Variants in PARD3B observed in about 807,000 individuals in gnomAD.
PARD3B encodes partitioning defective 3 homolog B.
In PARD3B, 103 loss-of-function variants were observed where a neutral mutation model predicts 130.2. That is an observed-to-expected ratio of 0.79 (90% CI 0.67 to 0.93). The LOEUF (loss-of-function observed/expected upper bound fraction) is 0.93. Ranked by LOEUF, PARD3B falls within the 40% of genes least tolerant of loss-of-function variation. The pLI, the probability that PARD3B is intolerant of heterozygous loss-of-function variation, is 0.00. For synonymous variants in PARD3B, 583 were observed against 553.2 expected, an observed-to-expected ratio of 1.05 and a Z score of -0.76; for missense variants, 1,609 against 1,499.2, an observed-to-expected ratio of 1.07 and a Z score of -1.21.
intron 2 of PARD3B, among the ~76,000 whole-genome samples, chr2:204,716,453 A>AT (rs1359843954): frequency 6.6e-6 from 1 of 151,966 alleles, no homozygotes; most frequent in Non-Finnish European, 1.5e-5. Context: ...AGTGAGGGAG[A>AT]TTTTAATCCG....
intron 2 of PARD3B, among the ~76,000 whole-genome samples, chr2:204,832,484 AACTTGAC>A (rs1184542154): frequency 6.6e-6 from 1 of 152,198 alleles, no homozygotes; most frequent in African/African-American, 2.4e-5. Flanking sequence ...TAAGCCACTG[AACTTGAC>A]ACTGTGAGAC....
intron 21 of PARD3B, among the ~76,000 whole-genome samples, chr2:205,532,156 G>GA (rs1239702972): frequency 6.6e-6 from 1 of 152,162 alleles, no homozygotes; most frequent in African/African-American, 2.4e-5. Flanking sequence ...AATTAATGTT[G>GA]ACACCTTCTG....
intron 2 of PARD3B, among the ~76,000 whole-genome samples, chr2:204,835,706 A>G (rs1347333158): frequency 6.6e-6 from 1 of 152,246 alleles, no homozygotes; most frequent in African/African-American, 2.4e-5. Context: ...GTACCTATTC[A>G]GTAGAAACCA....
chr2:205,506,119 G>C (rs1386612473), intron 21 of PARD3B, among the ~76,000 whole-genome samples: 2 of 152,140 alleles, frequency 1.3e-5, no homozygotes, highest in Non-Finnish European at 2.9e-5. Context: ...TGGATCATGA[G>C]GTCAAGAGAT....
At chr2:204,652,679 C>G (rs561318777) in intron 1 of PARD3B, among the ~76,000 whole-genome samples, 1 of 152,262 alleles carries the variant, frequency 6.6e-6, no homozygotes, top group South Asian at 2.1e-4. Context: ...TACCAATTTT[C>G]TATATTAGTC....
At chr2:204,827,486 T>C (rs2043629375) in intron 2 of PARD3B, among the ~76,000 whole-genome samples, 2 of 152,348 alleles carry the variant, frequency 1.3e-5, no homozygotes, top group Admixed American at 6.5e-5. Flanking sequence ...TCTGGCCTTC[T>C]CTTTTGTTAA....
At chr2:204,870,727 T>A (rs1225923236) in intron 2 of PARD3B, among the ~76,000 whole-genome samples, 1 of 152,144 alleles carries the variant, frequency 6.6e-6, no homozygotes, top group Non-Finnish European at 1.5e-5. Flanking sequence ...ATAAAAATAA[T>A]ACACAAAAAT....
intron 16 of PARD3B, among the ~76,000 whole-genome samples, chr2:205,249,939 G>GA (rs72169792): frequency 0.013 from 1,650 of 124,906 alleles, 15 homozygotes; most frequent in South Asian, 0.019. Flanking sequence ...AATGCCTGGA[G>GA]AAAAAAAAAA....
At chr2:205,340,986 A>G (rs1348065648) in intron 18 of PARD3B, among the ~76,000 whole-genome samples, 1 of 152,162 alleles carries the variant, frequency 6.6e-6, no homozygotes, top group Non-Finnish European at 1.5e-5. Flanking sequence ...CAACAATTAC[A>G]TTAAAAAATG....
chr2:205,007,300 G>T (rs1236127063), intron 3 of PARD3B, among the ~76,000 whole-genome samples: 4 of 152,120 alleles, frequency 2.6e-5, no homozygotes, highest in Non-Finnish European at 5.9e-5. Context: ...GTATTACCCA[G>T]TCTCAAGCAG....
intron 3 of PARD3B, among the ~76,000 whole-genome samples, chr2:205,025,759 G>A (rs1314128951): frequency 2.0e-5 from 3 of 152,034 alleles, no homozygotes; most frequent in Non-Finnish European, 4.4e-5. Flanking sequence ...TGACATCCAA[G>A]GCTGACTCCT....
Position 205,253,508 on chromosome 2 carries a change from A to T in PARD3B, c.2185+7686A>T. The T allele has an allele frequency of 1.8e-6, 1 of 552,574 alleles. No homozygotes were observed. 34.2% of individuals were successfully genotyped at this position (552,574 alleles called of 1,614,324 possible). On this transcript the variant is annotated intron_variant, in intron 16 of 22. Transcript: ENST00000406610. This position sits in a 1 kb window ranked among gnomAD's most constrained non-coding sequence, Gnocchi z 4.4. Reference sequence around the variant, plus strand: ...TGGCGGGCACTGGAAGTACCTGGGGAAGCAGGAGAGACTCACACTGCTGTC... The same window carrying T: ...TGGCGGGCACTGGAAGTACCTGGGGTAGCAGGAGAGACTCACACTGCTGTC...
intron 22 of PARD3B, among the ~76,000 whole-genome samples, chr2:205,581,049 G>T (rs542172669): frequency 6.6e-6 from 1 of 152,038 alleles, no homozygotes; most frequent in South Asian, 2.1e-4. Flanking sequence ...ATAAGATTAA[G>T]CATTAACTAA....
intron 22 of PARD3B, among the ~76,000 whole-genome samples, chr2:205,594,515 G>C (rs970710342): frequency 6.6e-6 from 1 of 152,092 alleles, no homozygotes; most frequent in African/African-American, 2.4e-5. Context: ...AACCCAAATA[G>C]CTATAGGGGC....
At chr2:205,403,642 C>A (rs537499372) in intron 19 of PARD3B, among the ~76,000 whole-genome samples, 1 of 152,172 alleles carries the variant, frequency 6.6e-6, no homozygotes, top group Non-Finnish European at 1.5e-5. Flanking sequence ...TCCTGAGCCC[C>A]ATACCAGACT....
At chr2:204,966,018 G>A (rs1430879630) in intron 3 of PARD3B, among the ~76,000 whole-genome samples, 2 of 152,156 alleles carry the variant, frequency 1.3e-5, no homozygotes, top group South Asian at 2.1e-4. Context: ...TTTTATGCCT[G>A]TGGAATGTTT....
At chr2:205,528,481 C>T (rs1575263519) in intron 21 of PARD3B, among the ~76,000 whole-genome samples, 1 of 151,992 alleles carries the variant, frequency 6.6e-6, no homozygotes, top group African/African-American at 2.4e-5. Context: ...CTCTTCGTGT[C>T]AGACATGACA....
Position 205,198,654 on chromosome 2 carries a change from A to G in PARD3B, c.2140+5334A>G, listed in dbSNP as rs1018222278. Among the ~76,000 whole-genome samples, 10 of 152,094 alleles carry G rather than the reference A, an allele frequency of 6.6e-5. No individual in the cohort carries two copies. The East Asian group carries it at 1.7e-3, about 26-fold the overall frequency. ...TATATATGTCAGATATTCCTCTTAG[A>G]CAGTACATTTCTAGTATCAGCTCAA... is the stretch of plus-strand genomic sequence containing the variant. On this transcript the variant is annotated intron_variant, in intron 15 of 22. Coordinates refer to ENST00000406610, the MANE Select transcript of PARD3B (RefSeq NM_001302769.2).
chr2:204,773,688 A>G (rs2041490310), intron 2 of PARD3B, among the ~76,000 whole-genome samples: 1 of 152,050 alleles, frequency 6.6e-6, no homozygotes, highest in Non-Finnish European at 1.5e-5. Context: ...ATATATTCTT[A>G]TAATCTCTAC....
Sources: gnomAD v4.1 joint callset for allele counts (sites outside exome capture counted in the v4.1 genomes callset) on GRCh38, gnomAD v4.1.1 for gene constraint, Gnocchi (gnomAD v3.1) non-coding constraint, MANE v1.5 for transcripts, NCBI Gene and HGNC (gene_info 2026-07-23, HGNC 2026-07-21) for gene names.